The following SEPTIN14 variants were observed in gnomAD, a reference collection of about 807,000 sequenced individuals.
SEPTIN14 encodes the protein septin 14, also known as septin-14.
Under a neutral mutation model 53.6 loss-of-function variants are expected in SEPTIN14, and 40 were observed. The observed-to-expected ratio is 0.75, with a 90% CI of 0.58 to 0.97. The LOEUF is 0.97. Among genes scored for constraint, SEPTIN14 ranks in the 50% least tolerant of loss-of-function variants. SEPTIN14 has a pLI of 0.00. For missense variants in SEPTIN14, 471 were observed against 508.2 expected, an observed-to-expected ratio of 0.93 and a Z score of 0.70; for synonymous variants, 138 against 166.8, an observed-to-expected ratio of 0.83 and a Z score of 1.33.
At chr7:55,830,778 TAG>T (rs1789095462) in intron 6 of SEPTIN14, among the ~76,000 whole-genome samples, 1 of 149,988 alleles carries the variant, frequency 6.7e-6, no homozygotes, top group African/African-American at 2.5e-5. Context: ...CAGGAAAAAA[TAG>T]ATATCCTAAA....
At chr7:55,796,329 T>C (rs1315357868) in intron 9 of SEPTIN14, among the ~76,000 whole-genome samples, 1 of 152,026 alleles carries the variant, frequency 6.6e-6, no homozygotes, top group Non-Finnish European at 1.5e-5. Flanking sequence ...AGTGGCGCGA[T>C]CTCAGCTCAC....
intron 2 of SEPTIN14, among the ~76,000 whole-genome samples, chr7:55,856,518 A>G (rs1789629684): frequency 6.6e-6 from 1 of 151,624 alleles, no homozygotes; most frequent in Non-Finnish European, 1.5e-5. Flanking sequence ...CAGCCTCCCG[A>G]ATAGCTGAGA....
At chr7:55,859,425 T>C (rs1584277500) in intron 2 of SEPTIN14, among the ~76,000 whole-genome samples, 1 of 152,314 alleles carries the variant, frequency 6.6e-6, no homozygotes, top group African/African-American at 2.4e-5. Context: ...TGTTTGGATT[T>C]ATTTCTGGGA....
chr7:55,834,640 T>A, intron 5 of SEPTIN14, 54 bp from the exon 6 acceptor site: 1 of 1,382,772 alleles, frequency 7.2e-7, no homozygotes, highest in Non-Finnish European at 9.8e-7. Flanking sequence ...CACAGTTTTT[T>A]TGTTTTTTGT....
chr7:55,859,309 T>A (rs1326665248), intron 2 of SEPTIN14, among the ~76,000 whole-genome samples: 1 of 152,210 alleles, frequency 6.6e-6, no homozygotes, highest in African/African-American at 2.4e-5. Flanking sequence ...AATATCATTC[T>A]TTTGCATATA....
chr7:55,838,397 T>G (rs1166654645), intron 5 of SEPTIN14, among the ~76,000 whole-genome samples: 1 of 152,150 alleles, frequency 6.6e-6, no homozygotes. Flanking sequence ...CAGTATCATA[T>G]AGTAAATTTT....
chr7:55,806,002 T>C (rs1417471091), intron 8 of SEPTIN14, among the ~76,000 whole-genome samples: 2 of 152,050 alleles, frequency 1.3e-5, no homozygotes, highest in Non-Finnish European at 2.9e-5. Flanking sequence ...AGTCCTATTC[T>C]TCTTTTTTTT....
At chr7:55,844,434 T>A (rs1344599100) in intron 4 of SEPTIN14, 89 bp downstream of exon 4, 2 of 569,568 alleles carry the variant, frequency 3.5e-6, no homozygotes, top group East Asian at 5.6e-5. Context: ...GAAGAAAAGG[T>A]ATTACTTACA....
chr7:55,850,405 G>C (rs571265273), intron 2 of SEPTIN14, among the ~76,000 whole-genome samples: 2 of 152,228 alleles, frequency 1.3e-5, no homozygotes, highest in South Asian at 4.1e-4. Flanking sequence ...AGGAGGCAGA[G>C]GTTGCAGTGA....
chr7:55,844,691 A>T lies in SEPTIN14; in HGVS notation c.203T>A (p.Leu68Gln). Residue 68 changes from leucine to glutamine, a missense_variant, in exon 4 of 10, where the codon CTG (leucine) becomes CAG (glutamine). By Grantham distance (113) the Leu-to-Gln change is moderately radical (BLOSUM62 -2). Transcript: ENST00000388975. ...GTTAGTATTAAACAATGTGTCTATC[A>T]GTGTCGATTTTCCAATTCCAGTCTC... ...VGETGIGKST[L>Q]IDTLFNTNLK... 6.2e-7 allele frequency: 1 copy of T among 1,601,922 alleles called. No homozygotes were observed. The highest frequency in any genetic ancestry group is 1.3e-5 in the African/African-American group (1 of 74,918).
rs184305770 is a variant in SEPTIN14, at chr7:55,804,947, C to G, written c.1119+311G>C. ...TAATAGCATTAGACAGTACAAGACT[C>G]TTCTCAGAGTAAATAGCTTGGGTTT... On this transcript the variant is annotated intron_variant, in intron 9 of 9. Coordinates refer to ENST00000388975, the MANE Select transcript of SEPTIN14 (RefSeq NM_207366.3). 1.4e-3 allele frequency among the ~76,000 whole-genome samples: 215 copies of G among 152,200 alleles called. 2 individuals carry two copies. The highest frequency in any genetic ancestry group is 0.01 in the Middle Eastern group (3 of 294).
At position 55,834,470 on chromosome 7, in the gene SEPTIN14, G is replaced by A. The variant is rs1789167477; in HGVS notation, c.675C>T (p.Leu225=). The A allele has an allele frequency of 6.2e-7, 1 of 1,613,008 alleles. No homozygotes were observed. Among genetic ancestry groups the A allele is most frequent in the Non-Finnish European group, 8.5e-7 (1 of 1,179,452 alleles). The change falls in exon 6 of 10, where the codon CTC becomes CTT. Residue 225 remains leucine, a synonymous_variant. Coordinates refer to ENST00000388975, the MANE Select transcript of SEPTIN14 (RefSeq NM_207366.3). ...LISNGIQIYQ[L]PTDEETAAQA... is the part of the protein sequence containing the mutation. Reference sequence around the variant, plus strand: ...GAGCAGCAGTTTCTTCATCTGTTGGGAGCTGATATATCTGGATGCCATTGC... The same window carrying A: ...GAGCAGCAGTTTCTTCATCTGTTGGAAGCTGATATATCTGGATGCCATTGC...
At chr7:55,820,211 C>T (rs191156359) in intron 6 of SEPTIN14, among the ~76,000 whole-genome samples, 271 of 152,196 alleles carry the variant, frequency 1.8e-3, no homozygotes, top group Non-Finnish European at 2.2e-3. Flanking sequence ...ATGTTGGCCA[C>T]GCTGGTCTTG....
intron 7 of SEPTIN14, among the ~76,000 whole-genome samples, chr7:55,814,805 C>A (rs1453922341): frequency 6.6e-6 from 1 of 152,084 alleles, no homozygotes; most frequent in Non-Finnish European, 1.5e-5. Context: ...AAAAGCAATT[C>A]TAAGATGTAT....
chr7:55,842,849 C>A, intron 5 of SEPTIN14, 93 bp downstream of exon 5: 1 of 697,702 alleles, frequency 1.4e-6, no homozygotes, highest in Non-Finnish European at 2.2e-6. Flanking sequence ...GGAGGCGGAG[C>A]TTGCGGTGAG....
At chr7:55,802,918 G>A (rs181005377) in intron 9 of SEPTIN14, among the ~76,000 whole-genome samples, 20 of 150,498 alleles carry the variant, frequency 1.3e-4, no homozygotes, top group African/African-American at 4.1e-4. Context: ...ACCTCATTCC[G>A]AAAATGGGCA....
chr7:55,802,790 A>G (rs959469301), intron 9 of SEPTIN14, among the ~76,000 whole-genome samples: 3 of 152,188 alleles, frequency 2.0e-5, no homozygotes, highest in Admixed American at 2.0e-4. Context: ...CCAAAAAAAA[A>G]AATCAACAGA....
chr7:55,831,358 A>G (rs909641143), intron 6 of SEPTIN14, among the ~76,000 whole-genome samples: 2 of 152,186 alleles, frequency 1.3e-5, no homozygotes, highest in Non-Finnish European at 2.9e-5. Flanking sequence ...AAAGTTGGCA[A>G]AAATAAACAG....
intron 9 of SEPTIN14, among the ~76,000 whole-genome samples, chr7:55,796,844 G>A (rs367981023): frequency 6.6e-4 from 100 of 152,198 alleles, no homozygotes; most frequent in African/African-American, 2.3e-3. Flanking sequence ...AGAAAAGAAG[G>A]CTGGGCGTGG....
Sources: allele counts gnomAD v4.1 joint callset (sites outside exome capture counted in the v4.1 genomes callset), GRCh38; gene constraint gnomAD v4.1.1; transcripts MANE v1.5; gene names NCBI Gene and HGNC (gene_info 2026-07-23, HGNC 2026-07-21).